The following CELSR3 variants were observed in gnomAD, a reference collection of about 807,000 sequenced individuals.
CELSR3 encodes EGF-like protein 1.
In CELSR3, 73 loss-of-function variants were observed where a neutral mutation model predicts 270.0. That is an observed-to-expected ratio of 0.27 (90% CI 0.22 to 0.33). CELSR3 has a LOEUF of 0.33. Among genes scored for constraint, CELSR3 ranks in the 10% least tolerant of loss-of-function variants. The pLI is 1.00. For missense variants in CELSR3, 3,614 were observed against 4,533.8 expected (o/e 0.80, Z 5.83); for synonymous variants, 1,780 against 1,905.4 (o/e 0.93, Z 1.71).
Position 48,656,218 on chromosome 3 carries a change from G to A in CELSR3, c.4547C>T (p.Ala1516Val). ...CGAACTGGGCGGGAAGGAGCGCGCA[G>A]CCACCTCGCAGCGCGGGCCCTCGAA... ...GAFEGPRCEV[A>V]ARSFPPSSFV... The change falls in exon 3 of 35, where the codon GCT (alanine) becomes GTT (valine). Residue 1516 changes from alanine to valine, a missense_variant. By Grantham distance (64) the Ala-to-Val change is moderately conservative. This residue lies in a region of CELSR3 where 1,331 missense variants were observed against 1,933.7 expected (regional missense o/e 0.69). Coordinates refer to ENST00000164024, the MANE Select transcript of CELSR3 (RefSeq NM_001407.3). 6.5e-7 allele frequency: 1 copy of A among 1,536,580 alleles called. No homozygotes were observed. Among genetic ancestry groups the A allele is most frequent in the Non-Finnish European group, 8.7e-7 (1 of 1,147,258 alleles).
rs1288096049 is a variant in CELSR3 at position 48,653,970 on chromosome 3, C to T, written c.5186G>A (p.Gly1729Asp). Residue 1729 changes from glycine (G) to aspartate (D), a missense_variant, in exon 8 of 35, where the codon GGC becomes GAC. By Grantham distance (94) the Gly-to-Asp change is moderately conservative. Coordinates refer to ENST00000164024, the MANE Select transcript of CELSR3 (RefSeq NM_001407.3). The surrounding 1 kb of genome is among the most constrained non-coding windows in gnomAD (Gnocchi z 6.5). ...GCAGAAGCCACTGTTCTTGCAGGGGCCTGAGTCACAAAAGTGTAGCTTGGC... is the reference window on the plus strand; with the variant it reads ...GCAGAAGCCACTGTTCTTGCAGGGGTCTGAGTCACAAAAGTGTAGCTTGGC... ...CQAKLHFCDSGPCKNSGFCSE... is the reference protein window; with the variant it reads ...CQAKLHFCDSDPCKNSGFCSE... The T allele has an allele frequency of 4.3e-6, 7 of 1,613,298 alleles. No individual in the cohort carries two copies. The African/African-American group carries it at 6.7e-5, about 15-fold the overall frequency.
At position 48,645,925 on chromosome 3, in the gene CELSR3, G is replaced by A. The variant is rs1381792899; in HGVS notation, c.7464-57C>T. On this transcript the variant is annotated intron_variant, in intron 22 of 34. Transcript: ENST00000164024. The surrounding 1 kb of genome is among the most constrained non-coding windows in gnomAD (Gnocchi z 5.4). Reference sequence around the variant, plus strand: ...GACCCAGTGTCAGGCAGGGGTTTGTGAGAGATCATGGGAAGGGCTGAGGGT... The same window carrying A: ...GACCCAGTGTCAGGCAGGGGTTTGTAAGAGATCATGGGAAGGGCTGAGGGT... The A allele has an allele frequency of 2.1e-5, 33 of 1,577,530 alleles. No individual in the cohort carries two copies. In the East Asian group the frequency reaches 5.2e-4, roughly 25 times the overall value.
In CELSR3 at chr3:48,661,752, G is replaced by T. The variant is rs1358651586; in HGVS notation, c.883C>A (p.Pro295Thr). 4 of 1,584,860 alleles carry T rather than the reference G, an allele frequency of 2.5e-6. No individual in the cohort carries two copies. Among genetic ancestry groups the T allele is most frequent in the Middle Eastern group, 3.4e-4 (2 of 5,962 alleles). ...RFLPQRPGPR[P>T]PGLPARPEAR... is the part of the protein sequence containing the mutation. Reference sequence around the variant, plus strand: ...TCAGGACGGGCCGGGAGTCCCGGGGGACGCGGCCCGGGGCGCTGCGGGAGG... The same window carrying T: ...TCAGGACGGGCCGGGAGTCCCGGGGTACGCGGCCCGGGGCGCTGCGGGAGG... The change falls in exon 1 of 35, where the codon CCC becomes ACC. Residue 295 changes from proline (P) to threonine (T), a missense_variant. Physicochemically the swap from Pro to Thr is conservative, Grantham distance 38. Transcript: ENST00000164024.
Position 48,661,281 on chromosome 3 carries a change from T to C in CELSR3, c.1354A>G (p.Ile452Val), listed in dbSNP as rs774246581. 2 of 1,612,914 alleles carry C rather than the reference T, an allele frequency of 1.2e-6. No homozygotes were observed. The highest frequency in any genetic ancestry group is 1.7e-5 in the Admixed American group (1 of 59,992). ...CCGTCAGTGGCACGCAGCTGCAGGA[T>C]AGGGTAGCCCTCCTCCACATTCTCG... ...LRENVEEGYP[I>V]LQLRATDGDA... Residue 452 changes from isoleucine (I) to valine (V), a missense_variant, in exon 1 of 35, where the codon ATC becomes GTC. Physicochemically the swap from Ile to Val is conservative, Grantham distance 29. Coordinates refer to ENST00000164024, the MANE Select transcript of CELSR3 (RefSeq NM_001407.3).
Position 48,647,973 on chromosome 3 carries a change from G to A in CELSR3, c.6997C>T (p.His2333Tyr), listed in dbSNP as rs142144636. The A allele has an allele frequency of 4.3e-5, 69 of 1,612,050 alleles. No homozygotes were observed. Among genetic ancestry groups the A allele is most frequent in the African/African-American group, 3.7e-4 (28 of 74,932 alleles). ...CGGGCCCCCCGGGGAGAACTGGGGT[G>A]CTCCATGCGGTCAATGCTGAGCACT... is the stretch of plus-strand genomic sequence containing the variant. ...NIMLSIDRME[H>Y]PSSPRGARRY... The change falls in exon 20 of 35, where the codon CAC (histidine) becomes TAC (tyrosine). Residue 2333 changes from histidine (H) to tyrosine (Y), a missense_variant. This residue lies in a region of CELSR3 where 1,240 missense variants were observed against 1,351.7 expected (regional missense o/e 0.92). Transcript: ENST00000164024.
rs762124237 is a variant in CELSR3, at chr3:48,655,402, G to A, written c.4742-8C>T. On this transcript the variant is annotated splice_polypyrimidine_tract_variant and splice_region_variant and intron_variant, in intron 4 of 34. Transcript: ENST00000164024. This position sits in a 1 kb window ranked among gnomAD's most constrained non-coding sequence, Gnocchi z 5.8. ...CCACGGTGTTGGATTCACCTGGAGG[G>A]GAGATGCATGTGGAATCATCAGGAG... 4 of 1,613,916 alleles carry A rather than the reference G, an allele frequency of 2.5e-6. No homozygotes were observed. The highest frequency in any genetic ancestry group is 2.5e-6 in the Non-Finnish European group (3 of 1,179,838).
At position 48,641,303 on chromosome 3, in the gene CELSR3, G is replaced by A. The variant is rs553490441; in HGVS notation, c.9025+21C>T. ...AGCCCCCAGCGTGTCTGCGGTGTGG[G>A]CCAGGGCTCAGGGACTGTACCTTTC... On this transcript the variant is annotated intron_variant, in intron 33 of 34. Transcript: ENST00000164024. The surrounding 1 kb of genome is among the most constrained non-coding windows in gnomAD (Gnocchi z 4.8). 2 of 1,540,472 alleles carry A rather than the reference G, an allele frequency of 1.3e-6. No homozygotes were observed. The highest frequency in any genetic ancestry group is 1.4e-5 in the African/African-American group (1 of 73,658).
chr3:48,656,504 T>C (rs1486795902), intron 2 of CELSR3, 139 bp from the exon 3 acceptor site: 7 of 1,126,048 alleles, frequency 6.2e-6, no homozygotes, highest in African/African-American at 1.6e-5. Context: ...CCCTTCCGTC[T>C]GGCCCCGCCC....
Position 48,641,168 on chromosome 3 carries a change from C to G in CELSR3, c.9025+156G>C. On this transcript the variant is annotated intron_variant, in intron 33 of 34. Coordinates refer to ENST00000164024, the MANE Select transcript of CELSR3 (RefSeq NM_001407.3). This position sits in a 1 kb window ranked among gnomAD's most constrained non-coding sequence, Gnocchi z 4.8. ...ATTCCCAGGTCAGGACAGGAGCAGT[C>G]CCTGAGGACCGTGAAGCAGGCTAGA... is the stretch of plus-strand genomic sequence containing the variant. 1 of 631,552 alleles carries G rather than the reference C, an allele frequency of 1.6e-6. No homozygotes were observed. The highest frequency in any genetic ancestry group is 2.8e-5 in the Admixed American group (1 of 36,122). 39.1% of individuals were successfully genotyped at this position (631,552 alleles called of 1,614,324 possible). A position where few individuals can be genotyped will look rare whatever the true frequency, so the allele number is the denominator to read the frequency against.
rs2077067735 is a variant in CELSR3 at position 48,661,748 on chromosome 3, G to T, written c.887C>A (p.Pro296Gln). 6.3e-7 allele frequency: 1 copy of T among 1,584,658 alleles called. No homozygotes were observed. Among genetic ancestry groups the T allele is most frequent in the East Asian group, 2.2e-5 (1 of 44,592 alleles). ...GGCTTCAGGACGGGCCGGGAGTCCCGGGGGACGCGGCCCGGGGCGCTGCGG... is the reference window on the plus strand; with the variant it reads ...GGCTTCAGGACGGGCCGGGAGTCCCTGGGGACGCGGCCCGGGGCGCTGCGG... ...FLPQRPGPRP[P>Q]GLPARPEARK... The change falls in exon 1 of 35, where the codon CCG (proline) becomes CAG (glutamine). Residue 296 changes from proline (P) to glutamine (Q), a missense_variant. Pro to Gln is a moderately conservative substitution (Grantham distance 76). Around this residue, in one of 7 missense-constraint regions of CELSR3, gnomAD observed 470 missense variants for 469.7 expected, o/e 1.00. Transcript: ENST00000164024.
At position 48,661,629 on chromosome 3, in the gene CELSR3, C is replaced by A; in HGVS notation, c.1006G>T (p.Glu336Ter). ...ACCGCGGTGCCTGCTGCCTCATTCT[C>A]CGGCACCAGCGTCTGGTAGTTGTAC... ...PQYNYQTLVP[E>*]NEAAGTAVLR... The change falls in exon 1 of 35, where the codon GAG (glutamate) becomes TAG (stop). Residue 336 changes from glutamate to a stop codon, truncating the protein, a stop_gained. Transcript: ENST00000164024. LOFTEE classifies it high-confidence loss of function. 1 of 1,604,672 alleles carries A rather than the reference C, an allele frequency of 6.2e-7. No individual in the cohort carries two copies. The highest frequency in any genetic ancestry group is 8.5e-7 in the Non-Finnish European group (1 of 1,175,592).
chr3:48,660,177 C>T lies in CELSR3; in HGVS notation c.2458G>A (p.Asp820Asn). ...TTGAAGTAGCGTTCCTGCTTGTAGT[C>T]CAGTGGCAGAGCCAGAGTCACCAGA... ...VGLVTLALPL[D>N]YKQERYFKLV... The change falls in exon 1 of 35, where the codon GAC (aspartate) becomes AAC (asparagine). Residue 820 changes from aspartate to asparagine, a missense_variant. Asp to Asn is a conservative substitution (Grantham distance 23, BLOSUM62 1). Around this residue, in one of 7 missense-constraint regions of CELSR3, gnomAD observed 215 missense variants for 241.2 expected, o/e 0.89. Transcript: ENST00000164024. This position sits in a 1 kb window ranked among gnomAD's most constrained non-coding sequence, Gnocchi z 5.5. The T allele has an allele frequency of 1.2e-6, 2 of 1,614,062 alleles. No homozygotes were observed. Among genetic ancestry groups the T allele is most frequent in the South Asian group, 1.1e-5 (1 of 91,076 alleles).
In CELSR3 at chr3:48,644,135, G is replaced by T; in HGVS notation, c.8165+81C>A. ...GAACTTGGAGCCCAACCTGCACCAG[G>T]GAAGATCTGGGGGCCCCAGACCCCA... On this transcript the variant is annotated intron_variant, in intron 27 of 34. Coordinates refer to ENST00000164024, the MANE Select transcript of CELSR3 (RefSeq NM_001407.3). This position sits in a 1 kb window ranked among gnomAD's most constrained non-coding sequence, Gnocchi z 4.8. The T allele has an allele frequency of 8.5e-7, 1 of 1,176,360 alleles. No individual in the cohort carries two copies. The highest frequency in any genetic ancestry group is 1.2e-6 in the Non-Finnish European group (1 of 803,258). 72.9% of individuals were successfully genotyped at this position (1,176,360 alleles called of 1,614,324 possible).
At position 48,642,382 on chromosome 3, in the gene CELSR3, C is replaced by T. The variant is rs147957593; in HGVS notation, c.8641G>A (p.Val2881Met). The T allele has an allele frequency of 1.9e-5, 31 of 1,613,034 alleles. No individual in the cohort carries two copies. In the Admixed American group the frequency reaches 2.5e-4, roughly 13 times the overall value. ...CCAGCATCTCGATGGAACATGGCCA[C>T]GTCCAGGTCAGTGGGGCCAGCATGA... ...QAHAGPTDLDVAMFHRDAGAD... is the reference protein window; with the variant it reads ...QAHAGPTDLDMAMFHRDAGAD... The change falls in exon 31 of 35, where the codon GTG (valine) becomes ATG (methionine). Residue 2881 changes from valine (V) to methionine (M), a missense_variant. Val to Met is a conservative substitution (Grantham distance 21). Around this residue, in one of 7 missense-constraint regions of CELSR3, gnomAD observed 1,240 missense variants for 1,351.7 expected, o/e 0.92. Transcript: ENST00000164024. The surrounding 1 kb of genome is among the most constrained non-coding windows in gnomAD (Gnocchi z 6.1).
chr3:48,654,934 T>G lies in CELSR3; in HGVS notation c.4988+110A>C. On this transcript the variant is annotated intron_variant, in intron 6 of 34. Transcript: ENST00000164024. The surrounding 1 kb of genome is among the most constrained non-coding windows in gnomAD (Gnocchi z 5.4). ...AGAGGAGAGGGGAATCTTGGTGGTTTGGGGGAAAGATGGGAGAGTTTGGCA... is the reference window on the plus strand; with the variant it reads ...AGAGGAGAGGGGAATCTTGGTGGTTGGGGGGAAAGATGGGAGAGTTTGGCA... 1.5e-5 allele frequency: 17 copies of G among 1,133,088 alleles called. No homozygotes were observed. In the Admixed American group the frequency reaches 1.9e-4, roughly 13 times the overall value. 70.2% of individuals were successfully genotyped at this position (1,133,088 alleles called of 1,614,324 possible). A position where few individuals can be genotyped will look rare whatever the true frequency, so the allele number is the denominator to read the frequency against.
In CELSR3 at chr3:48,656,338, G is replaced by A. The variant is rs1270734499; in HGVS notation, c.4427C>T (p.Ala1476Val). ...GCAGACGCCCGGCACGCAGCGGCCG[G>A]CCTCGGTGTCCAGCTCGCAGTCCTC... ...TGEDCELDTE[A>V]GRCVPGVCRN... The change falls in exon 3 of 35, where the codon GCC (alanine) becomes GTC (valine). Residue 1476 changes from alanine to valine, a missense_variant. Physicochemically the swap from Ala to Val is moderately conservative, Grantham distance 64 (BLOSUM62 0). Around this residue, in one of 7 missense-constraint regions of CELSR3, gnomAD observed 1,331 missense variants for 1,933.7 expected, o/e 0.69. Transcript: ENST00000164024. 7.0e-7 allele frequency: 1 copy of A among 1,436,756 alleles called. No homozygotes were observed. The highest frequency in any genetic ancestry group is 3.1e-5 in the Admixed American group (1 of 32,442). The allele number at this position is 1,436,756 out of a possible 1,614,324, so 89.0% of individuals were successfully genotyped here.
rs2077052200 is a variant in CELSR3 at position 48,659,667 on chromosome 3, C to A, written c.2968G>T (p.Ala990Ser). ...VLQISATDRD[A>S]HANGRVQYTF... Reference sequence around the variant, plus strand: ...TACTGGACCCGGCCATTGGCATGAGCATCCCGGTCAGTGGCTGAGATCTGC... The same window carrying A: ...TACTGGACCCGGCCATTGGCATGAGAATCCCGGTCAGTGGCTGAGATCTGC... The change falls in exon 1 of 35, where the codon GCT becomes TCT. Residue 990 changes from alanine (A) to serine (S), a missense_variant. Ala to Ser is a moderately conservative substitution (Grantham distance 99). Coordinates refer to ENST00000164024, the MANE Select transcript of CELSR3 (RefSeq NM_001407.3). This position sits in a 1 kb window ranked among gnomAD's most constrained non-coding sequence, Gnocchi z 8.1. The A allele has an allele frequency of 6.2e-6, 10 of 1,614,128 alleles. No individual in the cohort carries two copies. Among genetic ancestry groups the A allele is most frequent in the Non-Finnish European group, 8.5e-6 (10 of 1,180,046 alleles).
chr3:48,652,349 TG>T lies in CELSR3; in HGVS notation c.5751+87del. On this transcript the variant is annotated intron_variant, in intron 11 of 34. Transcript: ENST00000164024. The surrounding 1 kb of genome is among the most constrained non-coding windows in gnomAD (Gnocchi z 4.3). ...TCACCCCCTCGCACCAACCCCCACT[TG>T]AATACTGCCTTTCAGGTCCCAAGGA... 3 of 1,104,300 alleles carry T rather than the reference TG, an allele frequency of 2.7e-6. No homozygotes were observed. Among genetic ancestry groups the T allele is most frequent in the Non-Finnish European group, 4.2e-6 (3 of 718,258 alleles). The allele number at this position is 1,104,300 out of a possible 1,614,324, so 68.4% of individuals were successfully genotyped here.
In CELSR3 at chr3:48,645,752, G is replaced by A; in HGVS notation, c.7580C>T (p.Ser2527Phe). The A allele has an allele frequency of 6.2e-7, 1 of 1,609,436 alleles. No individual in the cohort carries two copies. Among genetic ancestry groups the A allele is most frequent in the South Asian group, 1.1e-5 (1 of 91,010 alleles). The change falls in exon 23 of 35, where the codon TCT becomes TTT. Residue 2527 changes from serine to phenylalanine, a missense_variant. By Grantham distance (155) the Ser-to-Phe change is radical. Around this residue, in one of 7 missense-constraint regions of CELSR3, gnomAD observed 1,240 missense variants for 1,351.7 expected, o/e 0.92. Transcript: ENST00000164024. The surrounding 1 kb of genome is among the most constrained non-coding windows in gnomAD (Gnocchi z 5.4). ...TGAACACAGCCCCACCTCACGGGGAGAGGCATCCATGAGGACCCCAAAGGT... is the reference window on the plus strand; with the variant it reads ...TGAACACAGCCCCACCTCACGGGGAAAGGCATCCATGAGGACCCCAAAGGT... ...TGTFGVLMDA[S>F]PRERLEGDLE...
Sources: allele counts gnomAD v4.1 joint callset, GRCh38; gene constraint gnomAD v4.1.1; regional missense constraint gnomAD v4.1.1; non-coding constraint Gnocchi (gnomAD v3.1); transcripts MANE v1.5; gene names NCBI Gene and HGNC (gene_info 2026-07-23, HGNC 2026-07-21).